The following CTNNA3 variants were observed in gnomAD, a reference collection of about 807,000 sequenced individuals.
CTNNA3 encodes catenin alpha 3.
Under a neutral mutation model 95.7 loss-of-function variants are expected in CTNNA3, and 76 were observed. The observed-to-expected ratio is 0.79, with a 90% CI of 0.66 to 0.96. The LOEUF is 0.96. Ranked by LOEUF, CTNNA3 falls within the 40% of genes least tolerant of loss-of-function variation. The pLI is 0.00. For synonymous variants in CTNNA3, 431 were observed against 374.4 expected (o/e 1.15, Z -1.74); for missense variants, 1,191 against 1,089.8 (o/e 1.09, Z -1.31).
chr10:66,602,319 T>C (rs1167103625), intron 10 of CTNNA3, among the ~76,000 whole-genome samples: 4 of 151,958 alleles, frequency 2.6e-5, no homozygotes, highest in African/African-American at 9.7e-5. Context: ...GAACAAAATA[T>C]TTTTCAGCAC....
chr10:66,812,794 A>T (rs1269808568), intron 7 of CTNNA3, among the ~76,000 whole-genome samples: 1 of 152,174 alleles, frequency 6.6e-6, no homozygotes, highest in Non-Finnish European at 1.5e-5. Context: ...GCCAGTCCAG[A>T]AATTCTAGAT....
chr10:67,359,736 G>C (rs1842932069), intron 5 of CTNNA3, among the ~76,000 whole-genome samples: 1 of 152,054 alleles, frequency 6.6e-6, no homozygotes, highest in African/African-American at 2.4e-5. Context: ...ATGACTCATT[G>C]GCTTTCTTGA....
At chr10:65,959,726 G>A (rs899929979) in intron 17 of CTNNA3, among the ~76,000 whole-genome samples, 6 of 152,036 alleles carry the variant, frequency 3.9e-5, no homozygotes, top group African/African-American at 1.4e-4. Flanking sequence ...TGTTGCCCAT[G>A]GTTGGTCTTG....
At position 66,928,570 on chromosome 10, in the gene CTNNA3, A is replaced by C; in HGVS notation, c.1048-153046T>G. On this transcript the variant is annotated intron_variant, in intron 7 of 17. Transcript: ENST00000433211. ...CCCCCTCCCCTTCCCTCTCCCTCTC[A>C]CTTTGCTGGCAAGATCCTTCCTTGT... 7.6e-6 allele frequency: 7 copies of C among 915,122 alleles called. No individual in the cohort carries two copies. In the East Asian group the frequency reaches 1.9e-4, roughly 24 times the overall value. The allele number at this position is 915,122 out of a possible 1,614,324, so 56.7% of individuals were successfully genotyped here.
At chr10:66,428,975 T>C (rs1322370628) in intron 11 of CTNNA3, among the ~76,000 whole-genome samples, 1 of 151,908 alleles carries the variant, frequency 6.6e-6, no homozygotes, top group Non-Finnish European at 1.5e-5. Flanking sequence ...GCTGGTTTTT[T>C]GAAAAGATCA....
At chr10:66,826,297 G>A (rs538705676) in intron 7 of CTNNA3, among the ~76,000 whole-genome samples, 9 of 152,130 alleles carry the variant, frequency 5.9e-5, no homozygotes, top group East Asian at 1.9e-4. Context: ...ATTTGTTTAC[G>A]ACATGGTCTT....
intron 11 of CTNNA3, among the ~76,000 whole-genome samples, chr10:66,436,501 CTTTTT>C (rs34165061): frequency 0.02 from 1,197 of 60,232 alleles, 17 homozygotes; most frequent in East Asian, 0.2. Context: ...ACAATCCCTG[CTTTTT>C]TTTTTTTTTT....
chr10:66,005,079 T>C lies in CTNNA3; in HGVS notation c.2160-16282A>G, dbSNP rs557378643. 1.1e-4 allele frequency among the ~76,000 whole-genome samples: 17 copies of C among 152,298 alleles called. No homozygotes were observed. The East Asian group carries it at 2.5e-3, about 23-fold the overall frequency. On this transcript the variant is annotated intron_variant, in intron 15 of 17. Transcript: ENST00000433211. ...GAAGCTGCCTGTATTCCTTGGCTTG[T>C]GGATTTTTCTTTCATCTCCAAAGGA...
chr10:67,431,240 G>C (rs780509419), intron 5 of CTNNA3, among the ~76,000 whole-genome samples: 19 of 151,962 alleles, frequency 1.3e-4, no homozygotes, highest in African/African-American at 4.6e-4. Flanking sequence ...AAGGATGGTG[G>C]TTATCAGTGC....
chr10:66,434,912 T>C (rs567426189), intron 11 of CTNNA3, among the ~76,000 whole-genome samples: 27 of 152,226 alleles, frequency 1.8e-4, no homozygotes, highest in African/African-American at 6.5e-4. Flanking sequence ...TCATGTGTTT[T>C]TTTTTCATTG....
intron 7 of CTNNA3, among the ~76,000 whole-genome samples, chr10:67,170,611 C>T (rs748778234): frequency 2.6e-5 from 4 of 152,074 alleles, no homozygotes; most frequent in Non-Finnish European, 5.9e-5. Context: ...ACACTGGACT[C>T]TTCTTGAGGG....
At chr10:66,558,265 G>A (rs1842450799) in intron 10 of CTNNA3, among the ~76,000 whole-genome samples, 1 of 152,036 alleles carries the variant, frequency 6.6e-6, no homozygotes, top group Admixed American at 6.6e-5. Context: ...CTCTCCGGTT[G>A]CCAACTCCAA....
At chr10:66,879,690 C>T (rs1589370534) in intron 7 of CTNNA3, among the ~76,000 whole-genome samples, 1 of 152,046 alleles carries the variant, frequency 6.6e-6, no homozygotes, top group African/African-American at 2.4e-5. Context: ...GAGCATACAA[C>T]AGAGATAGAG....
intron 7 of CTNNA3, among the ~76,000 whole-genome samples, chr10:66,918,920 G>A (rs1472117016): frequency 6.6e-6 from 1 of 151,974 alleles, no homozygotes; most frequent in Non-Finnish European, 1.5e-5. Flanking sequence ...CAGATCACAA[G>A]GTCAGGAGAT....
intron 8 of CTNNA3, among the ~76,000 whole-genome samples, chr10:66,772,630 T>C (rs1228490727): frequency 1.8e-4 from 28 of 152,066 alleles, no homozygotes; most frequent in Admixed American, 1.8e-3. Context: ...GGCAAGAAAG[T>C]CACAGAGGAA....
intron 3 of CTNNA3, among the ~76,000 whole-genome samples, chr10:67,548,240 CTTCCACCATG>C (rs1246004266): frequency 4.6e-5 from 7 of 152,316 alleles, no homozygotes; most frequent in African/African-American, 1.4e-4. Flanking sequence ...CCCCCTTTGC[CTTCCACCATG>C]ATTGGAAGCT....
chr10:67,351,139 C>T (rs996942814), intron 5 of CTNNA3, among the ~76,000 whole-genome samples: 1 of 151,530 alleles, frequency 6.6e-6, no homozygotes, highest in Non-Finnish European at 1.5e-5. Flanking sequence ...AGTATGATTC[C>T]ACTCATTCAT....
At chr10:67,021,048 C>A (rs1852978587) in intron 7 of CTNNA3, among the ~76,000 whole-genome samples, 1 of 152,130 alleles carries the variant, frequency 6.6e-6, no homozygotes, top group Admixed American at 6.5e-5. Context: ...ATTAAAACTT[C>A]TCTTTGTTTC....
rs1347593971 is a variant in CTNNA3, at chr10:66,309,646, A to T, written c.1733-29025T>A. Among the ~76,000 whole-genome samples the T allele has an allele frequency of 2.2e-5, 3 of 133,358 alleles. No homozygotes were observed. In the East Asian group the frequency reaches 7.3e-4, roughly 32 times the overall value. 87.5% of individuals were successfully genotyped at this position (133,358 alleles called of 152,430 possible). On this transcript the variant is annotated intron_variant, in intron 12 of 17. Transcript: ENST00000433211. ...GCTTGCAGTGAGCTGAGATCGCGCC[A>T]CTGCACTCCAGCCTAGGCGGCAGAG...
Sources: allele counts gnomAD v4.1 joint callset (sites outside exome capture counted in the v4.1 genomes callset), GRCh38; gene constraint gnomAD v4.1.1; transcripts MANE v1.5; gene names NCBI Gene and HGNC (gene_info 2026-07-23, HGNC 2026-07-21).